The following RGS22 variants were observed in gnomAD, a reference collection of about 807,000 sequenced individuals.
The protein encoded by RGS22 is regulator of G protein signaling 22.
A neutral mutation model predicts 172.9 loss-of-function variants in RGS22; 148 were observed. The observed-to-expected ratio is 0.86, with a 90% CI of 0.75 to 0.98. The LOEUF (loss-of-function observed/expected upper bound fraction) is 0.98. RGS22 is among the 50% of genes least tolerant of loss of function. RGS22 has a pLI of 0.00. For synonymous variants in RGS22, 458 were observed against 480.2 expected (o/e 0.95, Z 0.60); for missense variants, 1,347 against 1,440.8 (o/e 0.93, Z 1.05).
rs1323206335 is a variant in RGS22 at position 100,004,136 on chromosome 8, C to T, written c.2455-38G>A. The T allele has an allele frequency of 1.5e-5, 23 of 1,535,462 alleles. No homozygotes were observed. In the South Asian group the frequency reaches 2.6e-4, roughly 17 times the overall value. ...TACTTTTCAGCAAAAATCTCTTAAA[C>T]ACAACAGATTGTTTACAATTTTAAG... On this transcript the variant is annotated intron_variant, in intron 16 of 27. Coordinates refer to ENST00000360863, the MANE Select transcript of RGS22 (RefSeq NM_015668.5).
At chr8:99,984,546 C>T (rs1404131705) in intron 21 of RGS22, among the ~76,000 whole-genome samples, 2 of 152,036 alleles carry the variant, frequency 1.3e-5, no homozygotes, top group East Asian at 1.9e-4. Flanking sequence ...CTTTCTGTGA[C>T]TCTCAGTCCA....
intron 23 of RGS22, among the ~76,000 whole-genome samples, chr8:99,976,344 A>G (rs1811928437): frequency 6.6e-6 from 1 of 152,076 alleles, no homozygotes; most frequent in Non-Finnish European, 1.5e-5. Flanking sequence ...TGCATGAAAC[A>G]CTGTCTTTTG....
rs1586311135 is a variant in RGS22, at chr8:100,103,832, C to T, written c.54+1542G>A. Among the ~76,000 whole-genome samples, 3 of 152,330 alleles carry T rather than the reference C, an allele frequency of 2.0e-5. No individual in the cohort carries two copies. The East Asian group carries it at 5.8e-4, about 29-fold the overall frequency. ...AGAGAAAGGGAATGCCTAGAGTCTT[C>T]AGGCTATCATGAGTTCAAGGATGGG... On this transcript the variant is annotated intron_variant, in intron 2 of 27. Coordinates refer to ENST00000360863, the MANE Select transcript of RGS22 (RefSeq NM_015668.5).
chr8:100,001,567 C>T (rs372774501), intron 18 of RGS22, among the ~76,000 whole-genome samples: 8 of 152,100 alleles, frequency 5.3e-5, no homozygotes, highest in African/African-American at 1.9e-4. Flanking sequence ...TCTAATGACA[C>T]TGTAGTTATT....
chr8:100,083,426 G>T (rs906513216), intron 3 of RGS22, among the ~76,000 whole-genome samples: 6 of 152,110 alleles, frequency 3.9e-5, no homozygotes, highest in African/African-American at 1.4e-4. Flanking sequence ...GGAGTGCAGT[G>T]GCGTGATCTC....
chr8:99,970,950 C>T (rs940258166), intron 23 of RGS22, among the ~76,000 whole-genome samples: 3 of 152,150 alleles, frequency 2.0e-5, no homozygotes, highest in Non-Finnish European at 4.4e-5. Context: ...GCCAATATCC[C>T]TGATGAACAT....
intron 18 of RGS22, among the ~76,000 whole-genome samples, chr8:100,000,381 CAA>C (rs1814909030): frequency 6.7e-6 from 1 of 149,676 alleles, no homozygotes; most frequent in South Asian, 2.1e-4. Context: ...TGTATAAAAA[CAA>C]AAAAGAAAAA....
intron 22 of RGS22, among the ~76,000 whole-genome samples, chr8:99,980,054 T>C (rs1190110136): frequency 6.6e-6 from 1 of 152,176 alleles, no homozygotes; most frequent in African/African-American, 2.4e-5. Context: ...TCTAGGAGTA[T>C]GGACTTCATT....
chr8:99,961,488 T>TTC (rs1488367057), intron 27 of RGS22, among the ~76,000 whole-genome samples: 1 of 152,202 alleles, frequency 6.6e-6, no homozygotes. Flanking sequence ...TGCTTGGCAC[T>TTC]TCTCTCTCCT....
chr8:100,076,483 T>C (rs1029761787), intron 4 of RGS22, among the ~76,000 whole-genome samples: 1 of 152,222 alleles, frequency 6.6e-6, no homozygotes, highest in African/African-American at 2.4e-5. Context: ...ATTAAATGAA[T>C]TAAAAATTGA....
At chr8:100,068,089 G>A (rs1302492357) in intron 6 of RGS22, among the ~76,000 whole-genome samples, 13 of 152,032 alleles carry the variant, frequency 8.6e-5, no homozygotes, top group Admixed American at 8.5e-4. Context: ...TTGAAAAATG[G>A]TAATATATAG....
intron 9 of RGS22, among the ~76,000 whole-genome samples, chr8:100,056,323 T>C (rs1017956232): frequency 6.6e-6 from 1 of 152,174 alleles, no homozygotes; most frequent in African/African-American, 2.4e-5. Context: ...AGCCTGATGA[T>C]GCGACAGAAA....
At chr8:100,105,284 A>G in intron 2 of RGS22, 90 bp downstream of exon 2, 1 of 1,052,574 alleles carries the variant, frequency 9.5e-7, no homozygotes, top group Non-Finnish European at 1.5e-6. Context: ...AAAAAGGAGG[A>G]AAGAAAACAC....
At chr8:99,983,048 A>G (rs1812717902) in intron 21 of RGS22, among the ~76,000 whole-genome samples, 1 of 152,156 alleles carries the variant, frequency 6.6e-6, no homozygotes, top group Non-Finnish European at 1.5e-5. Context: ...ATAAGTGAGA[A>G]CGTGTGGATT....
chr8:99,975,622 T>C (rs1356941259), intron 23 of RGS22, among the ~76,000 whole-genome samples: 1 of 152,098 alleles, frequency 6.6e-6, no homozygotes, highest in Non-Finnish European at 1.5e-5. Flanking sequence ...AAAAAGAAAT[T>C]TGGGTCACTT....
At chr8:100,023,049 G>T (rs1013973645) in intron 14 of RGS22, among the ~76,000 whole-genome samples, 1 of 151,772 alleles carries the variant, frequency 6.6e-6, no homozygotes, top group Non-Finnish European at 1.5e-5. Flanking sequence ...TTTCTGGCTT[G>T]GGAAAAAAAA....
rs753888585 is a variant in RGS22, at chr8:100,052,876, C to G, written c.1615G>C (p.Asp539His). ...AGGGTTGCCATTTGTGGAAAAGGGTCAATATCCTTCCTTGGTTTTGCTTGA... is the reference window on the plus strand; with the variant it reads ...AGGGTTGCCATTTGTGGAAAAGGGTGAATATCCTTCCTTGGTTTTGCTTGA... The part of the protein sequence containing the change: ...LRQAKPRKDI[D>H]PFPQMATLLP... Residue 539 changes from aspartate to histidine, a missense_variant, in exon 10 of 28, where the codon GAC becomes CAC. Transcript: ENST00000360863. 3.0e-5 allele frequency: 49 copies of G among 1,613,936 alleles called. No individual in the cohort carries two copies. Among genetic ancestry groups the G allele is most frequent in the Non-Finnish European group, 3.9e-5 (46 of 1,179,996 alleles).
chr8:100,085,543 T>C (rs550283646), intron 3 of RGS22, among the ~76,000 whole-genome samples: 1 of 152,346 alleles, frequency 6.6e-6, no homozygotes, highest in Admixed American at 6.5e-5. Flanking sequence ...AACAATGTTC[T>C]CAAAAAGTTC....
chr8:100,079,813 T>C (rs1811615803), intron 4 of RGS22, among the ~76,000 whole-genome samples: 1 of 152,118 alleles, frequency 6.6e-6, no homozygotes, highest in Non-Finnish European at 1.5e-5. Flanking sequence ...AAAACCCAAA[T>C]GAAATACATT....
Sources: allele counts gnomAD v4.1 joint callset (sites outside exome capture counted in the v4.1 genomes callset), GRCh38; gene constraint gnomAD v4.1.1; transcripts MANE v1.5; gene names NCBI Gene and HGNC (gene_info 2026-07-23, HGNC 2026-07-21).